PTPRK: variants seen among roughly 807,000 people sequenced by gnomAD.
PTPRK encodes receptor-type tyrosine-protein phosphatase kappa.
In PTPRK, 75 loss-of-function variants were observed where a neutral mutation model predicts 178.0. The observed-to-expected ratio is 0.42, with a 90% CI of 0.35 to 0.51. The LOEUF (loss-of-function observed/expected upper bound fraction) is 0.51. Ranked by LOEUF, PTPRK falls within the 20% of genes least tolerant of loss-of-function variation. PTPRK has a pLI of 0.02. For synonymous variants in PTPRK, 637 were observed against 620.6 expected (o/e 1.03, Z -0.39); for missense variants, 1,441 against 1,797.8 (o/e 0.80, Z 3.59).
chr6:128,514,254 C>A (rs953918793), intron 1 of PTPRK, among the ~76,000 whole-genome samples: 1 of 152,066 alleles, frequency 6.6e-6, no homozygotes, highest in Non-Finnish European at 1.5e-5. Context: ...AAGTAGTGAT[C>A]TATTTTCACT....
intron 1 of PTPRK, among the ~76,000 whole-genome samples, chr6:128,493,419 G>A (rs1348337368): frequency 2.6e-5 from 4 of 151,968 alleles, no homozygotes; most frequent in Middle Eastern, 3.4e-3. Flanking sequence ...AAAATTAGCT[G>A]GGCATGGTGG....
chr6:128,195,016 AT>A (rs1389212717), intron 6 of PTPRK, among the ~76,000 whole-genome samples: 2 of 152,102 alleles, frequency 1.3e-5, no homozygotes, highest in Non-Finnish European at 2.9e-5. Flanking sequence ...TGTGTGTGTA[AT>A]ATACATATAT....
chr6:128,298,827 T>C (rs1824991697), intron 3 of PTPRK, among the ~76,000 whole-genome samples: 1 of 152,132 alleles, frequency 6.6e-6, no homozygotes, highest in Non-Finnish European at 1.5e-5. Flanking sequence ...GGATGCCCTC[T>C]CTCACCACTC....
At chr6:128,135,078 T>TCACACACACACACACACACACACA (rs34254716) in intron 7 of PTPRK, among the ~76,000 whole-genome samples, 3 of 136,274 alleles carry the variant, frequency 2.2e-5, no homozygotes, top group Admixed American at 7.3e-5. Flanking sequence ...AATCATTCAA[T>TCACACACACACACACACACACACA]CACACACACA....
chr6:128,377,350 CT>C (rs1837247891), intron 2 of PTPRK, among the ~76,000 whole-genome samples: 1 of 152,064 alleles, frequency 6.6e-6, no homozygotes, highest in Admixed American at 6.6e-5. Flanking sequence ...GGGAAACTCT[CT>C]CTTTTTTAAA....
intron 1 of PTPRK, among the ~76,000 whole-genome samples, chr6:128,516,059 A>G (rs1857962401): frequency 6.6e-6 from 1 of 152,194 alleles, no homozygotes; most frequent in Admixed American, 6.5e-5. Flanking sequence ...AGCTTTGGTT[A>G]GTGGATGAGT....
At chr6:127,989,230 A>G (rs989440310) in intron 21 of PTPRK, among the ~76,000 whole-genome samples, 2 of 152,070 alleles carry the variant, frequency 1.3e-5, no homozygotes, top group Non-Finnish European at 2.9e-5. Context: ...TTTTTTAATA[A>G]TATGAGCTAG....
intron 2 of PTPRK, among the ~76,000 whole-genome samples, chr6:128,395,744 G>C (rs957812836): frequency 3.9e-5 from 6 of 152,184 alleles, no homozygotes; most frequent in African/African-American, 1.4e-4. Context: ...GACAAAGTAG[G>C]GGTCAAATAT....
At chr6:128,209,695 G>A (rs547902387) in intron 6 of PTPRK, among the ~76,000 whole-genome samples, 18 of 152,204 alleles carry the variant, frequency 1.2e-4, no homozygotes, top group African/African-American at 4.3e-4. Flanking sequence ...AAGGAAAGGG[G>A]TCCCTAAGTA....
intron 7 of PTPRK, among the ~76,000 whole-genome samples, chr6:128,164,817 T>A (rs1225494754): frequency 6.6e-6 from 1 of 151,030 alleles, no homozygotes; most frequent in Non-Finnish European, 1.5e-5. Context: ...ATACATTATA[T>A]GGAATATAAT....
chr6:127,991,611 C>A (rs1160502290), intron 19 of PTPRK, among the ~76,000 whole-genome samples: 1 of 145,926 alleles, frequency 6.9e-6, no homozygotes, highest in Non-Finnish European at 1.5e-5. Context: ...AATTTGCCCT[C>A]TACACTTCCC....
chr6:128,066,665 T>A (rs1174426021), intron 12 of PTPRK, among the ~76,000 whole-genome samples: 1 of 151,830 alleles, frequency 6.6e-6, no homozygotes, highest in East Asian at 1.9e-4. Flanking sequence ...AAAATTTCTA[T>A]CCTCAACATT....
At chr6:128,162,428 G>T (rs192990602) in intron 7 of PTPRK, among the ~76,000 whole-genome samples, 1 of 151,776 alleles carries the variant, frequency 6.6e-6, no homozygotes, top group East Asian at 1.9e-4. Context: ...GTCTGCATGT[G>T]TTGGGAAAGC....
At chr6:128,462,595 G>A (rs888541030) in intron 1 of PTPRK, among the ~76,000 whole-genome samples, 2 of 151,636 alleles carry the variant, frequency 1.3e-5, no homozygotes, top group Non-Finnish European at 2.9e-5. Flanking sequence ...AGTGGAAAAT[G>A]GAAGGCTATC....
intron 3 of PTPRK, among the ~76,000 whole-genome samples, chr6:128,297,612 C>T (rs550272188): frequency 2.0e-5 from 3 of 152,312 alleles, no homozygotes; most frequent in East Asian, 3.9e-4. Flanking sequence ...GAACAACCTG[C>T]TCCTGAATGA....
At position 127,985,772 on chromosome 6, in the gene PTPRK, C is replaced by T. The variant is rs754548492; in HGVS notation, c.3200G>A (p.Arg1067Gln). The T allele has an allele frequency of 2.0e-5, 32 of 1,613,748 alleles. No individual in the cohort carries two copies. The highest frequency in any genetic ancestry group is 1.8e-4 in the East Asian group (8 of 44,870). Residue 1067 changes from arginine to glutamine, a missense_variant, in exon 22 of 30, where the codon CGA becomes CAA. Transcript: ENST00000368226. ...HATGLLSFIR[R>Q]VKLSNPPSAG... ...ACTGGGAGGGTTTGATAACTTGACT[C>T]GCCGGATAAAGGAAAGCAGCCCTGT...
chr6:128,043,653 A>G (rs1017530372), intron 13 of PTPRK, among the ~76,000 whole-genome samples: 2 of 151,856 alleles, frequency 1.3e-5, no homozygotes, highest in African/African-American at 4.8e-5. Context: ...CAAAAAAAAA[A>G]GAGAAAGATA....
chr6:128,102,320 G>A (rs1435278136), intron 7 of PTPRK, among the ~76,000 whole-genome samples: 1 of 152,180 alleles, frequency 6.6e-6, no homozygotes, highest in Non-Finnish European at 1.5e-5. Context: ...AACTCACTGT[G>A]TGATAAAAGT....
chr6:128,082,748 T>G (rs914227845), intron 9 of PTPRK, 110 bp from the exon 10 acceptor site: 1 of 757,100 alleles, frequency 1.3e-6, no homozygotes, highest in African/African-American at 1.8e-5. Context: ...GAGTCAATGG[T>G]AATTTTTTTC....
Sources: gnomAD v4.1 joint callset for allele counts (sites outside exome capture counted in the v4.1 genomes callset) on GRCh38, gnomAD v4.1.1 for gene constraint, MANE v1.5 for transcripts, NCBI Gene and HGNC (gene_info 2026-07-23, HGNC 2026-07-21) for gene names.